TLL2: variants seen among roughly 807,000 people sequenced by gnomAD.
The protein encoded by TLL2 is tolloid-like protein 2.
Under a neutral mutation model 123.0 loss-of-function variants are expected in TLL2, and 106 were observed. That is an observed-to-expected ratio of 0.86 (90% CI 0.74 to 1.01). The LOEUF (loss-of-function observed/expected upper bound fraction) is 1.01. Ranked by LOEUF, TLL2 falls within the 50% of genes least tolerant of loss-of-function variation. TLL2 has a pLI of 0.00. For missense variants in TLL2, 1,332 were observed against 1,336.7 expected, an observed-to-expected ratio of 1.00 and a Z score of 0.06; for synonymous variants, 494 against 516.8, an observed-to-expected ratio of 0.96 and a Z score of 0.60.
At chr10:96,410,565 C>A in intron 8 of TLL2, 91 bp from the exon 9 acceptor site, 1 of 961,400 alleles carries the variant, frequency 1.0e-6, no homozygotes, top group South Asian at 1.4e-5. Context: ...AAACATACCC[C>A]TTTGCCAGCC....
At position 96,384,586 on chromosome 10, in the gene TLL2, C is replaced by T. The variant is rs1015404394; in HGVS notation, c.2194+1G>A. 1.9e-6 allele frequency: 3 copies of T among 1,584,728 alleles called. No homozygotes were observed. The highest frequency in any genetic ancestry group is 1.7e-5 in the Admixed American group (1 of 58,202). Reference sequence around the variant, plus strand: ...TCAGCCTCACCTCTGAACCCGCATACCTGAGAAGAAGTGGGCCCTGAAGCC... The same window carrying T: ...TCAGCCTCACCTCTGAACCCGCATATCTGAGAAGAAGTGGGCCCTGAAGCC... On this transcript the variant is annotated splice_donor_variant, in intron 16 of 20. Coordinates refer to ENST00000357947, the MANE Select transcript of TLL2 (RefSeq NM_012465.4). LOFTEE classifies it high-confidence loss of function.
chr10:96,375,351 C>CAGGGAA (rs1846128286), intron 18 of TLL2: 2 of 152,250 alleles, frequency 1.3e-5, no homozygotes, highest in Admixed American at 6.5e-5. Context: ...TAGCCACCAT[C>CAGGGAA]CGTTTCCCAA....
intron 10 of TLL2, among the ~76,000 whole-genome samples, chr10:96,399,412 C>T (rs1846372183): frequency 6.6e-6 from 1 of 152,158 alleles, no homozygotes; most frequent in African/African-American, 2.4e-5. Flanking sequence ...CCACTGTAGG[C>T]ATCTCCTAAG....
chr10:96,368,259 G>A (rs1589401968), intron 20 of TLL2, 37 bp from the exon 21 acceptor site: 2 of 1,607,044 alleles, frequency 1.2e-6, no homozygotes, highest in South Asian at 1.1e-5. Context: ...AAGGACTTTA[G>A]CTGTGATTGG....
At chr10:96,468,961 T>G (rs139937759) in intron 2 of TLL2, among the ~76,000 whole-genome samples, 1 of 152,358 alleles carries the variant, frequency 6.6e-6, no homozygotes, top group Non-Finnish European at 1.5e-5. Flanking sequence ...GCTGCATTCT[T>G]TTTCCTTCCC....
At chr10:96,500,920 G>A (rs1428094430) in intron 1 of TLL2, among the ~76,000 whole-genome samples, 1 of 152,172 alleles carries the variant, frequency 6.6e-6, no homozygotes, top group Non-Finnish European at 1.5e-5. Context: ...ACTTAAATTG[G>A]TTTTGTATAA....
intron 1 of TLL2, among the ~76,000 whole-genome samples, chr10:96,494,116 C>T (rs1357069125): frequency 6.6e-6 from 1 of 152,212 alleles, no homozygotes; most frequent in Non-Finnish European, 1.5e-5. Context: ...CCGGGGACAG[C>T]CCGGGCGGCT....
At chr10:96,457,636 G>T (rs1264974015) in intron 2 of TLL2, among the ~76,000 whole-genome samples, 2 of 152,162 alleles carry the variant, frequency 1.3e-5, no homozygotes, top group African/African-American at 2.4e-5. Context: ...TCTAAGCGGG[G>T]TGCTTTCTGA....
intron 16 of TLL2, among the ~76,000 whole-genome samples, chr10:96,379,449 GC>G (rs1445313924): frequency 3.3e-5 from 5 of 152,174 alleles, no homozygotes; most frequent in Non-Finnish European, 7.3e-5. Flanking sequence ...AACAGGCACT[GC>G]CCCAAACACT....
intron 2 of TLL2, among the ~76,000 whole-genome samples, chr10:96,449,467 T>C (rs1225473114): frequency 1.3e-5 from 2 of 152,164 alleles, no homozygotes; most frequent in Non-Finnish European, 2.9e-5. Context: ...TATAGAGCCC[T>C]CCCCTGTCCT....
At chr10:96,446,987 G>A (rs559425910) in intron 2 of TLL2, among the ~76,000 whole-genome samples, 11 of 152,336 alleles carry the variant, frequency 7.2e-5, no homozygotes, top group African/African-American at 2.6e-4. Flanking sequence ...GATCATTGCA[G>A]GTTTGGAAAA....
chr10:96,376,931 A>T, intron 17 of TLL2, 112 bp from the exon 18 acceptor site: 1 of 1,111,760 alleles, frequency 9.0e-7, no homozygotes, highest in South Asian at 2.1e-5. Flanking sequence ...CAGGGTCTTT[A>T]TCAAATATGG....
chr10:96,482,910 A>T (rs1308029448), intron 1 of TLL2, among the ~76,000 whole-genome samples: 1 of 152,256 alleles, frequency 6.6e-6, no homozygotes, highest in Non-Finnish European at 1.5e-5. Context: ...GTTGAGAAAG[A>T]ATTGTTCAGA....
intron 5 of TLL2, among the ~76,000 whole-genome samples, chr10:96,423,612 C>T (rs1750171057): frequency 6.6e-6 from 1 of 151,950 alleles, no homozygotes; most frequent in South Asian, 2.1e-4. Flanking sequence ...GGATGACAAG[C>T]AAAACAAATA....
chr10:96,500,175 C>T (rs1046514245), intron 1 of TLL2, among the ~76,000 whole-genome samples: 1 of 147,876 alleles, frequency 6.8e-6, no homozygotes, highest in African/African-American at 2.5e-5. Flanking sequence ...AAAATTAGCC[C>T]GGTGTTGTGG....
chr10:96,403,077 C>A (rs1314187125), intron 10 of TLL2, among the ~76,000 whole-genome samples: 1 of 152,184 alleles, frequency 6.6e-6, no homozygotes, highest in Non-Finnish European at 1.5e-5. Flanking sequence ...CCCTACAGAC[C>A]CCTCTACGAG....
chr10:96,483,564 A>G (rs550911834), intron 1 of TLL2, among the ~76,000 whole-genome samples: 23 of 152,278 alleles, frequency 1.5e-4, no homozygotes, highest in African/African-American at 5.1e-4. Flanking sequence ...TGATTGTTTT[A>G]AAGTTCACTA....
At chr10:96,398,427 C>G (rs1342069289) in intron 10 of TLL2, among the ~76,000 whole-genome samples, 1 of 152,212 alleles carries the variant, frequency 6.6e-6, no homozygotes, top group Non-Finnish European at 1.5e-5. Flanking sequence ...CCAGGACATA[C>G]AAATTGACCA....
intron 13 of TLL2, among the ~76,000 whole-genome samples, chr10:96,390,596 G>A (rs1846277658): frequency 6.6e-6 from 1 of 152,266 alleles, no homozygotes; most frequent in Non-Finnish European, 1.5e-5. Context: ...TGGCACCAAG[G>A]CAAGAGCTTC....
Sources: gnomAD v4.1 joint callset for allele counts (sites outside exome capture counted in the v4.1 genomes callset) on GRCh38, gnomAD v4.1.1 for gene constraint, MANE v1.5 for transcripts, NCBI Gene and HGNC (gene_info 2026-07-23, HGNC 2026-07-21) for gene names.